The following KCNAB1 variants were observed in gnomAD, a reference collection of about 807,000 sequenced individuals.
The protein encoded by KCNAB1 is voltage-gated potassium channel subunit beta-1.
KCNAB1 carries 35 observed loss-of-function variants against 64.6 expected under a neutral mutation model. That is an observed-to-expected ratio of 0.54 (90% confidence interval 0.41 to 0.72). The LOEUF (loss-of-function observed/expected upper bound fraction) is 0.72. Ranked by LOEUF, KCNAB1 falls within the 30% of genes least tolerant of loss-of-function variation. KCNAB1 has a pLI of 0.00. For missense variants in KCNAB1, 401 were observed against 512.9 expected (o/e 0.78, Z 2.11); for synonymous variants, 177 against 183.8 (o/e 0.96, Z 0.30).
At chr3:156,329,297 C>T (rs1723180540) in intron 1 of KCNAB1, among the ~76,000 whole-genome samples, 1 of 152,184 alleles carries the variant, frequency 6.6e-6, no homozygotes, top group East Asian at 1.9e-4. Context: ...TAAAGGCACT[C>T]TGAGCTGGAA....
At chr3:156,267,133 C>T (rs551349478) in intron 1 of KCNAB1, among the ~76,000 whole-genome samples, 1 of 152,134 alleles carries the variant, frequency 6.6e-6, no homozygotes, top group African/African-American at 2.4e-5. Context: ...TATAGTATAT[C>T]TTTTTTTCTC....
intron 8 of KCNAB1, among the ~76,000 whole-genome samples, chr3:156,476,629 G>A (rs150686809): frequency 9.9e-5 from 15 of 151,124 alleles, no homozygotes; most frequent in Admixed American, 6.6e-4. Context: ...TTATCCACTC[G>A]TTGATTGATG....
At chr3:156,396,413 A>G (rs952578617) in intron 1 of KCNAB1, among the ~76,000 whole-genome samples, 1 of 152,240 alleles carries the variant, frequency 6.6e-6, no homozygotes, top group Non-Finnish European at 1.5e-5. Context: ...ATCCTTCTAT[A>G]CTTAAAACAC....
intron 1 of KCNAB1, among the ~76,000 whole-genome samples, chr3:156,392,598 T>C (rs1713125790): frequency 6.6e-6 from 1 of 152,228 alleles, no homozygotes; most frequent in African/African-American, 2.4e-5. Flanking sequence ...CACTTCACCA[T>C]CAAGTATAAT....
intron 1 of KCNAB1, among the ~76,000 whole-genome samples, chr3:156,234,119 G>C (rs1161423569): frequency 1.3e-5 from 2 of 152,058 alleles, no homozygotes; most frequent in Non-Finnish European, 2.9e-5. Context: ...CAGAAGAGAA[G>C]AATTCCAAGA....
intron 1 of KCNAB1, among the ~76,000 whole-genome samples, chr3:156,218,786 C>CAA (rs1228783831): frequency 9.7e-5 from 9 of 92,612 alleles, no homozygotes; most frequent in Non-Finnish European, 1.7e-4. Context: ...CCCAGAACAG[C>CAA]AAAAAAAAAA....
At chr3:156,199,922 A>G (rs1173945004) in intron 1 of KCNAB1, among the ~76,000 whole-genome samples, 1 of 152,010 alleles carries the variant, frequency 6.6e-6, no homozygotes, top group Non-Finnish European at 1.5e-5. Flanking sequence ...AATTTTCATC[A>G]CTTTTGCACT....
At chr3:156,344,875 T>C (rs1419471338) in intron 1 of KCNAB1, among the ~76,000 whole-genome samples, 1 of 152,124 alleles carries the variant, frequency 6.6e-6, no homozygotes, top group African/African-American at 2.4e-5. Context: ...TGGGCATCCG[T>C]GACATATGCA....
At chr3:156,411,202 T>G (rs1056765699) in intron 1 of KCNAB1, among the ~76,000 whole-genome samples, 1 of 152,218 alleles carries the variant, frequency 6.6e-6, no homozygotes, top group African/African-American at 2.4e-5. Context: ...GTTGAGCATT[T>G]TTTTTCATAT....
intron 1 of KCNAB1, among the ~76,000 whole-genome samples, chr3:156,199,292 G>A (rs1327877363): frequency 6.6e-6 from 1 of 152,090 alleles, no homozygotes; most frequent in Non-Finnish European, 1.5e-5. Flanking sequence ...ACAATTATGT[G>A]TCTTGGGGTT....
intron 1 of KCNAB1, among the ~76,000 whole-genome samples, chr3:156,156,890 G>C (rs940205929): frequency 5.3e-5 from 8 of 152,148 alleles, no homozygotes; most frequent in African/African-American, 1.4e-4. Context: ...CATGAGATAA[G>C]CAAGTAAGTG....
At position 156,501,692 on chromosome 3, in the gene KCNAB1, A is replaced by G. The variant is rs572318018; in HGVS notation, c.659-12672A>G. Among the ~76,000 whole-genome samples the G allele has an allele frequency of 6.6e-4, 101 of 152,210 alleles. 2 individuals carry two copies. The highest frequency in any genetic ancestry group is 2.4e-3 in the African/African-American group (98 of 41,536). ...GGTGATCCACCCCCCTCAGCCTCCC[A>G]AAGTGCAGGGATTACAGGCGTGAGC... is the stretch of plus-strand genomic sequence containing the variant. On this transcript the variant is annotated intron_variant, in intron 8 of 13. Transcript: ENST00000490337.
intron 12 of KCNAB1, among the ~76,000 whole-genome samples, chr3:156,527,872 G>A (rs961818092): frequency 6.6e-6 from 1 of 152,190 alleles, no homozygotes. Context: ...AGTCACACAG[G>A]TATACTGGAG....
chr3:156,454,245 G>A (rs151043065), intron 3 of KCNAB1, among the ~76,000 whole-genome samples: 1 of 152,312 alleles, frequency 6.6e-6, no homozygotes, highest in African/African-American at 2.4e-5. Flanking sequence ...AGGGAAGAAA[G>A]CAGCACTGGG....
At chr3:156,212,808 T>TG (rs1389500462) in intron 1 of KCNAB1, among the ~76,000 whole-genome samples, 2 of 152,016 alleles carry the variant, frequency 1.3e-5, no homozygotes, top group Non-Finnish European at 2.9e-5. Flanking sequence ...GTGTGTCACA[T>TG]GGAAAGGGCA....
chr3:156,461,281 G>T (rs918009985), intron 5 of KCNAB1, among the ~76,000 whole-genome samples: 2 of 152,184 alleles, frequency 1.3e-5, no homozygotes, highest in African/African-American at 4.8e-5. Context: ...TGACTTCAGG[G>T]TTGGCAGGGC....
chr3:156,391,342 GT>G (rs1231378547), intron 1 of KCNAB1, among the ~76,000 whole-genome samples: 1 of 151,796 alleles, frequency 6.6e-6, no homozygotes, highest in Non-Finnish European at 1.5e-5. Flanking sequence ...TCCTAACATG[GT>G]ATAAGGGTAC....
At chr3:156,398,318 C>G (rs549009300) in intron 1 of KCNAB1, among the ~76,000 whole-genome samples, 1 of 152,262 alleles carries the variant, frequency 6.6e-6, no homozygotes, top group East Asian at 1.9e-4. Context: ...GGGGGCCAGG[C>G]GCGGTGGCTC....
chr3:156,374,397 T>A (rs1288937896), intron 1 of KCNAB1, among the ~76,000 whole-genome samples: 3 of 85,222 alleles, frequency 3.5e-5, no homozygotes, highest in East Asian at 2.1e-4. Flanking sequence ...ATTCCTGAGC[T>A]ATTTCAGTGT....
Sources: allele counts gnomAD v4.1 joint callset (sites outside exome capture counted in the v4.1 genomes callset), GRCh38; gene constraint gnomAD v4.1.1; transcripts MANE v1.5; gene names NCBI Gene and HGNC (gene_info 2026-07-23, HGNC 2026-07-21).